Variants in NLGN4X observed in about 807,000 individuals in gnomAD.
NLGN4X encodes neuroligin-4, X-linked.
A neutral mutation model predicts 40.3 loss-of-function variants in NLGN4X; 3 were observed. The ratio of observed to expected loss-of-function variants is 0.07; its 90% CI spans 0.03 to 0.19. The LOEUF (loss-of-function observed/expected upper bound fraction) is 0.19, where lower values mean the gene tolerates loss of function less well. NLGN4X is among the 10% of genes least tolerant of loss of function. The pLI, the probability that NLGN4X is intolerant of heterozygous loss-of-function variation, is 1.00. For missense variants in NLGN4X, 382 were observed against 708.3 expected (o/e 0.54, Z 5.23); for synonymous variants, 270 against 306.8 (o/e 0.88, Z 1.25).
chrX:6,184,560 T>C (rs1921824202), intron 1 of NLGN4X, among the ~76,000 whole-genome samples: 1 of 110,129 alleles, frequency 9.1e-6, no homozygotes, highest in African/African-American at 3.3e-5. Flanking sequence ...GGGGAATCTC[T>C]TAGACTCAAC....
chrX:6,178,112 C>T lies in NLGN4X; in HGVS notation c.-305-26341G>A, dbSNP rs1001842119. The stretch of plus-strand genomic sequence containing the variant: ...AGTCTATGGTATTTCCTTATAGTAG[C>T]CCAAATGGACTAAAACATTCCCTAT... On this transcript the variant is annotated intron_variant, in intron 1 of 5. Coordinates refer to ENST00000381095, the MANE Select transcript of NLGN4X (RefSeq NM_181332.3). Among the ~76,000 whole-genome samples, 6 of 111,237 alleles carry T rather than the reference C, an allele frequency of 5.4e-5. No individual in the cohort carries two copies. In the Admixed American group the frequency reaches 5.7e-4, roughly 11 times the overall value.
chrX:5,997,587 T>TATATATATATACAC (rs1215590360), intron 3 of NLGN4X, among the ~76,000 whole-genome samples: 1 of 41,436 alleles, frequency 2.4e-5, no homozygotes, highest in Non-Finnish European at 3.9e-5. Flanking sequence ...TGTGTGTGTG[T>TATATATATATACAC]ATATATATAT....
At chrX:5,999,506 A>T (rs1423118931) in intron 3 of NLGN4X, among the ~76,000 whole-genome samples, 1 of 112,305 alleles carries the variant, frequency 8.9e-6, no homozygotes, top group Non-Finnish European at 1.9e-5. Flanking sequence ...ATCAGAACCA[A>T]GAAAATATGA....
At chrX:6,152,957 C>T (rs919000003) in intron 1 of NLGN4X, among the ~76,000 whole-genome samples, 1 of 112,155 alleles carries the variant, frequency 8.9e-6, no homozygotes, top group African/African-American at 3.2e-5. Context: ...TATAACTATC[C>T]CTACATAAGT....
intron 3 of NLGN4X, among the ~76,000 whole-genome samples, chrX:6,011,255 A>C (rs1187923868): frequency 9.0e-6 from 1 of 110,630 alleles, no homozygotes; most frequent in African/African-American, 3.3e-5. Context: ...TAAACCAATA[A>C]GCTTGCCAAC....
Position 6,108,096 on chromosome X carries a change from C to T in NLGN4X, c.472+42899G>A, listed in dbSNP as rs1052611243. On this transcript the variant is annotated intron_variant, in intron 2 of 5. Transcript: ENST00000381095. ...AACAAGGGTTTTCTCTAAACCTCTG[C>T]TTTGAGTGGAATCTGGGCTAGGAAA... Among the ~76,000 whole-genome samples the T allele has an allele frequency of 1.3e-4, 15 of 111,860 alleles. No individual in the cohort carries two copies. The Admixed American group carries it at 1.4e-3, about 11-fold the overall frequency.
At chrX:6,047,631 T>C (rs1295734979) in intron 2 of NLGN4X, among the ~76,000 whole-genome samples, 2 of 111,895 alleles carry the variant, frequency 1.8e-5, no homozygotes, top group Admixed American at 1.9e-4. Flanking sequence ...GAGCTAGACA[T>C]GGAGACATAT....
intron 1 of NLGN4X, among the ~76,000 whole-genome samples, chrX:6,217,802 C>T (rs1484591127): frequency 9.0e-6 from 1 of 111,337 alleles, no homozygotes; most frequent in Admixed American, 9.6e-5. Flanking sequence ...GTCATCCTTA[C>T]TGTTTGTTAC....
At chrX:5,925,851 C>CACATATATATATAT (rs1555921077) in intron 3 of NLGN4X, among the ~76,000 whole-genome samples, 1 of 36,419 alleles carries the variant, frequency 2.7e-5, no homozygotes, top group African/African-American at 1.1e-4. Flanking sequence ...TATACATACA[C>CACATATATATATAT]ATATATATAT....
intron 2 of NLGN4X, among the ~76,000 whole-genome samples, chrX:6,141,224 T>C (rs998271755): frequency 9.0e-6 from 1 of 111,588 alleles, no homozygotes; most frequent in East Asian, 2.8e-4. Context: ...AACTAACTCA[T>C]TATGAAAACA....
At chrX:6,225,011 T>TATATATAC (rs1461463258) in intron 1 of NLGN4X, among the ~76,000 whole-genome samples, 55 of 49,517 alleles carry the variant, frequency 1.1e-3, no homozygotes, top group African/African-American at 3.6e-3. Flanking sequence ...TATATATATA[T>TATATATAC]ACACACACAC....
chrX:6,139,952 A>G (rs2039907274), intron 2 of NLGN4X, among the ~76,000 whole-genome samples: 1 of 112,024 alleles, frequency 8.9e-6, no homozygotes, highest in Admixed American at 9.6e-5. Context: ...TAGGAGATCA[A>G]TAGTGTCATT....
chrX:5,967,075 T>G (rs1283216437), intron 3 of NLGN4X, among the ~76,000 whole-genome samples: 1 of 111,619 alleles, frequency 9.0e-6, no homozygotes, highest in African/African-American at 3.3e-5. Context: ...GGGATAAATT[T>G]GGTCTGTTGT....
intron 2 of NLGN4X, among the ~76,000 whole-genome samples, chrX:6,060,124 C>A (rs1249546146): frequency 8.9e-6 from 1 of 111,811 alleles, no homozygotes; most frequent in Non-Finnish European, 1.9e-5. Context: ...GGCAAACATA[C>A]AAAATTGTAC....
chrX:5,927,239 T>A (rs907767533), intron 3 of NLGN4X, among the ~76,000 whole-genome samples: 5 of 111,634 alleles, frequency 4.5e-5, no homozygotes, highest in Non-Finnish European at 9.4e-5. Flanking sequence ...GAAAGACAGT[T>A]CACACAAAAA....
Position 6,070,203 on chromosome X carries a change from T to C in NLGN4X, c.473-40771A>G, listed in dbSNP as rs757273800. Reference sequence around the variant, plus strand: ...TTTTTTTTTAATGTAGCTGACACCATAGTATGTACTAAAATAAGACATTTT... The same window carrying C: ...TTTTTTTTTAATGTAGCTGACACCACAGTATGTACTAAAATAAGACATTTT... On this transcript the variant is annotated intron_variant, in intron 2 of 5. Coordinates refer to ENST00000381095, the MANE Select transcript of NLGN4X (RefSeq NM_181332.3). 9.9e-5 allele frequency among the ~76,000 whole-genome samples: 11 copies of C among 110,585 alleles called. No individual in the cohort carries two copies. In the South Asian group the frequency reaches 2.3e-3, roughly 24 times the overall value.
chrX:6,164,083 T>C (rs2040453235), intron 1 of NLGN4X, among the ~76,000 whole-genome samples: 1 of 112,866 alleles, frequency 8.9e-6, no homozygotes, highest in Non-Finnish European at 1.9e-5. Flanking sequence ...AAAATTCTCA[T>C]AGGCTTCACG....
At chrX:5,916,544 G>C (rs2032803049) in intron 3 of NLGN4X, among the ~76,000 whole-genome samples, 1 of 111,203 alleles carries the variant, frequency 9.0e-6, no homozygotes, top group South Asian at 3.8e-4. Flanking sequence ...CTGCCTCCTG[G>C]ATTCAAGCGA....
intron 3 of NLGN4X, among the ~76,000 whole-genome samples, chrX:6,006,542 A>C (rs765181735): frequency 2.2e-4 from 25 of 111,365 alleles, no homozygotes; most frequent in Non-Finnish European, 3.8e-4. Context: ...TAGAAAAACT[A>C]GACCAAAGTT....
Sources: gnomAD v4.1 joint callset for allele counts (sites outside exome capture counted in the v4.1 genomes callset) on GRCh38, gnomAD v4.1.1 for gene constraint, MANE v1.5 for transcripts, NCBI Gene and HGNC (gene_info 2026-07-23, HGNC 2026-07-21) for gene names.